SP100: variants seen among roughly 807,000 people sequenced by gnomAD.
SP100 encodes the protein SP100 nuclear body protein.
A neutral mutation model predicts 130.0 loss-of-function variants in SP100; 84 were observed. The observed-to-expected ratio is 0.65, with a 90% confidence interval of 0.54 to 0.77. SP100 has a LOEUF of 0.77. Among genes scored for constraint, SP100 ranks in the 30% least tolerant of loss-of-function variants. The probability of loss-of-function intolerance (pLI) is 0.00; values close to 1 mark genes in which losing one functional copy is unlikely to be tolerated. For missense variants in SP100, 978 were observed against 1,052.2 expected (o/e 0.93, Z 0.97); for synonymous variants, 331 against 351.7 (o/e 0.94, Z 0.66).
At position 230,496,316 on chromosome 2, in the gene SP100, A is replaced by G. The variant is rs564216249; in HGVS notation, c.1645+1856A>G. On this transcript the variant is annotated intron_variant, in intron 18 of 28. Coordinates refer to ENST00000340126, the MANE Select transcript of SP100 (RefSeq NM_001080391.2). ...GCTATGCTAGTCCCTTTTAGCGGTA[A>G]TATCTCATTTAATATTAAAAAGCGT... Among the ~76,000 whole-genome samples, 3 of 152,326 alleles carry G rather than the reference A, an allele frequency of 2.0e-5. No individual in the cohort carries two copies. The South Asian group carries it at 6.2e-4, about 32-fold the overall frequency.
At chr2:230,506,230 G>A (rs1026657816) in intron 21 of SP100, 73 bp from the exon 22 acceptor site, 9 of 1,555,188 alleles carry the variant, frequency 5.8e-6, no homozygotes, top group Non-Finnish European at 7.1e-6. Context: ...GGTGGCCCCA[G>A]ACCCCAGCAT....
intron 23 of SP100, chr2:230,509,491 C>A (rs921758690): frequency 1.3e-5 from 2 of 152,202 alleles, no homozygotes; most frequent in African/African-American, 4.8e-5. Context: ...CTACCCACTG[C>A]CAGACAGTCA....
chr2:230,526,734 C>T (rs1320456787), intron 24 of SP100, among the ~76,000 whole-genome samples: 1 of 152,116 alleles, frequency 6.6e-6, no homozygotes, highest in East Asian at 1.9e-4. Flanking sequence ...ACTTAAATGA[C>T]CTGATGGAGC....
intron 22 of SP100, 71 bp downstream of exon 22, chr2:230,506,516 A>G: frequency 6.6e-7 from 1 of 1,504,472 alleles, no homozygotes; most frequent in Non-Finnish European, 9.1e-7. Context: ...GCTTTAGCAG[A>G]ATTTCTCAGT....
chr2:230,502,377 G>T (rs1269395268), intron 19 of SP100, among the ~76,000 whole-genome samples: 1 of 152,112 alleles, frequency 6.6e-6, no homozygotes, highest in Non-Finnish European at 1.5e-5. Context: ...CTACCATGAG[G>T]TCTGTCTTGA....
intron 2 of SP100, among the ~76,000 whole-genome samples, chr2:230,434,702 A>T (rs528463967): frequency 5.3e-5 from 8 of 152,248 alleles, no homozygotes; most frequent in African/African-American, 1.4e-4. Context: ...GGCCTCATTG[A>T]GAAGGTGATA....
intron 5 of SP100, among the ~76,000 whole-genome samples, chr2:230,447,284 G>T (rs531295701): frequency 3.9e-4 from 60 of 152,284 alleles, no homozygotes; most frequent in African/African-American, 1.4e-3. Context: ...TGTTTTACCT[G>T]TACTGTCATA....
At chr2:230,480,087 G>T (rs2065761854) in intron 17 of SP100, among the ~76,000 whole-genome samples, 2 of 152,098 alleles carry the variant, frequency 1.3e-5, no homozygotes. Flanking sequence ...TCTTATTCTG[G>T]TTTACTTTTC....
intron 24 of SP100, chr2:230,515,892 G>T (rs539650313): frequency 1.6e-6 from 2 of 1,219,452 alleles, no homozygotes. Context: ...ATTTAAAGCA[G>T]GTTCTTGTTA....
chr2:230,528,967 G>A (rs969652989), intron 24 of SP100, among the ~76,000 whole-genome samples: 2 of 152,164 alleles, frequency 1.3e-5, no homozygotes, highest in Non-Finnish European at 2.9e-5. Flanking sequence ...TCCAGGACCA[G>A]ACAGATTCAC....
At chr2:230,430,330 G>A (rs1456125456) in intron 2 of SP100, among the ~76,000 whole-genome samples, 1 of 152,230 alleles carries the variant, frequency 6.6e-6, no homozygotes, top group Non-Finnish European at 1.5e-5. Context: ...TCTAAGATGG[G>A]ACAAGGCCTT....
At chr2:230,435,288 A>T (rs1336525371) in intron 2 of SP100, among the ~76,000 whole-genome samples, 2 of 152,098 alleles carry the variant, frequency 1.3e-5, no homozygotes, top group Non-Finnish European at 2.9e-5. Flanking sequence ...TCTCTTATTT[A>T]AGCTGCCTGT....
chr2:230,488,330 A>G (rs914764549), intron 17 of SP100, among the ~76,000 whole-genome samples: 1 of 152,112 alleles, frequency 6.6e-6, no homozygotes, highest in Non-Finnish European at 1.5e-5. Context: ...GTTTGTCATA[A>G]ATAGCTCTTA....
chr2:230,511,752 C>G (rs1434540984), intron 24 of SP100, among the ~76,000 whole-genome samples: 1 of 152,196 alleles, frequency 6.6e-6, no homozygotes, highest in Non-Finnish European at 1.5e-5. Flanking sequence ...AGGACAAAAA[C>G]CATCACCACT....
rs958516686 is a variant in SP100, at chr2:230,461,138, A to G, written c.821-124A>G. 5 of 884,114 alleles carry G rather than the reference A, an allele frequency of 5.7e-6. No individual in the cohort carries two copies. In the Admixed American group the frequency reaches 1.3e-4, roughly 24 times the overall value. 54.8% of individuals were successfully genotyped at this position (884,114 alleles called of 1,614,324 possible). A position where few individuals can be genotyped will look rare whatever the true frequency, so the allele number is the denominator to read the frequency against. On this transcript the variant is annotated intron_variant, in intron 8 of 28. Coordinates refer to ENST00000340126, the MANE Select transcript of SP100 (RefSeq NM_001080391.2). ...GAAGGGACAGAGTTGAGCAAAAGGA[A>G]AAACACGGAGGTGGGGTGAAGGTCT... is the stretch of plus-strand genomic sequence containing the variant.
chr2:230,493,781 T>G (rs1400593021), intron 17 of SP100: 1 of 152,218 alleles, frequency 6.6e-6, no homozygotes, highest in Non-Finnish European at 1.5e-5. Context: ...TTTTTATTTC[T>G]CTTTTTTGAG....
At chr2:230,532,602 C>G (rs1200921275) in intron 24 of SP100, among the ~76,000 whole-genome samples, 8 of 151,458 alleles carry the variant, frequency 5.3e-5, no homozygotes, top group Admixed American at 5.3e-4. Flanking sequence ...TTGAGTCTTT[C>G]ATGTGTGTAC....
rs764094460 is a variant in SP100, at chr2:230,473,383, G to T, written c.1489G>T (p.Gly497Cys). 1 of 1,614,036 alleles carries T rather than the reference G, an allele frequency of 6.2e-7. No individual in the cohort carries two copies. Among genetic ancestry groups the T allele is most frequent in the Non-Finnish European group, 8.5e-7 (1 of 1,179,922 alleles). ...KCSCVMCFPK[G>C]VPRSQEARTE... ...CTCCTGTGTCATGTGTTTTCCAAAA[G>T]GTGTGCCAAGAAGCCAAGAAGCAAG... Residue 497 changes from glycine (G) to cysteine (C), a missense_variant, in exon 16 of 29, where the codon GGT becomes TGT. Physicochemically the swap from Gly to Cys is radical, Grantham distance 159. Coordinates refer to ENST00000340126, the MANE Select transcript of SP100 (RefSeq NM_001080391.2).
At chr2:230,508,145 TATG>T in intron 23 of SP100, 114 bp downstream of exon 23, 1 of 1,512,706 alleles carries the variant, frequency 6.6e-7, no homozygotes, top group Non-Finnish European at 8.9e-7. Context: ...GATTTTATAA[TATG>T]ATGCTTTTGC....
Sources: gnomAD v4.1 joint callset for allele counts (sites outside exome capture counted in the v4.1 genomes callset) on GRCh38, gnomAD v4.1.1 for gene constraint, MANE v1.5 for transcripts, NCBI Gene and HGNC (gene_info 2026-07-23, HGNC 2026-07-21) for gene names.